The following ZSCAN12 variants were observed in gnomAD, a reference collection of about 807,000 sequenced individuals.
The protein encoded by ZSCAN12 is zinc finger and SCAN domain containing 12, also known as zinc finger and SCAN domain-containing protein 12.
In ZSCAN12, 18 loss-of-function variants were observed where a neutral mutation model predicts 23.4. The observed-to-expected ratio is 0.77, with a 90% CI of 0.53 to 1.14. The LOEUF (loss-of-function observed/expected upper bound fraction) is 1.14, where lower values mean the gene tolerates loss of function less well. ZSCAN12 is among the 50% of genes most tolerant of loss of function. ZSCAN12 has a pLI of 0.00. For synonymous variants in ZSCAN12, 186 were observed against 253.4 expected (o/e 0.73, Z 2.53); for missense variants, 650 against 735.0 (o/e 0.88, Z 1.34).
chr6:28,386,615 A>C lies in ZSCAN12; in HGVS notation c.*3839T>G, dbSNP rs953457356. Among the ~76,000 whole-genome samples, 7 of 152,104 alleles carry C rather than the reference A, an allele frequency of 4.6e-5. No individual in the cohort carries two copies. The highest frequency in any genetic ancestry group is 8.8e-5 in the Non-Finnish European group (6 of 68,020). On this transcript the variant is annotated 3_prime_UTR_variant, in exon 4 of 4. Transcript: ENST00000684592. ...CCATATCTAACATGTCACATCCTCCATTTGCCCCTCAGGGCCTTCAATTTG... is the reference window on the plus strand; with the variant it reads ...CCATATCTAACATGTCACATCCTCCCTTTGCCCCTCAGGGCCTTCAATTTG...
downstream of ZSCAN12, chr6:28,380,441 T>C (rs1422784396): frequency 1.3e-5 from 2 of 152,346 alleles, no homozygotes; most frequent in African/African-American, 4.8e-5. Flanking sequence ...AAGGTCTTCC[T>C]ACATTCTTTA....
At chr6:28,398,886 T>G (rs895785072) in intron 1 of ZSCAN12, among the ~76,000 whole-genome samples, 7 of 142,622 alleles carry the variant, frequency 4.9e-5, no homozygotes, top group African/African-American at 1.6e-4. Flanking sequence ...TGAGCCGAGA[T>G]CGCGCCACTG....
chr6:28,393,462 A>C, intron 2 of ZSCAN12, among the ~76,000 whole-genome samples: 1 of 144,184 alleles, frequency 6.9e-6, no homozygotes, highest in Non-Finnish European at 1.5e-5. Flanking sequence ...TAAATAATGT[A>C]GAGAAATGAT....
chr6:28,396,162 C>T (rs1761097282), intron 2 of ZSCAN12, among the ~76,000 whole-genome samples: 1 of 151,688 alleles, frequency 6.6e-6, no homozygotes, highest in Non-Finnish European at 1.5e-5. Context: ...TAGGACTACA[C>T]ACACCTGCCT....
chr6:28,385,561 T>A lies in ZSCAN12; in HGVS notation c.*4893A>T, dbSNP rs1760500321. Among the ~76,000 whole-genome samples, 1 of 152,226 alleles carries A rather than the reference T, an allele frequency of 6.6e-6. No homozygotes were observed. Among genetic ancestry groups the A allele is most frequent in the African/African-American group, 2.4e-5 (1 of 41,464 alleles). On this transcript the variant is annotated 3_prime_UTR_variant, in exon 4 of 4. Coordinates refer to ENST00000684592, the MANE Select transcript of ZSCAN12 (RefSeq NM_001163391.2). ...AACTGAAATAAAGAGAGGAAGTGTA[T>A]CACAGAGGTTAAAAGTGTGAACTCT...
At position 28,389,390 on chromosome 6, in the gene ZSCAN12, T is replaced by G. The variant is rs1315007436; in HGVS notation, c.*1064A>C. On this transcript the variant is annotated 3_prime_UTR_variant, in exon 4 of 4. Transcript: ENST00000684592. ...AAGAGCTGATGGCACATGTTCCCTG[T>G]AAGGATCTCCTTGTGCTAAAAGTCT... is the stretch of plus-strand genomic sequence containing the variant. Among the ~76,000 whole-genome samples the G allele has an allele frequency of 2.6e-5, 4 of 152,226 alleles. No homozygotes were observed. Among genetic ancestry groups the G allele is most frequent in the Non-Finnish European group, 4.4e-5 (3 of 68,040 alleles).
At chr6:28,393,184 GGCCAATATAAATGTC>G (rs1415326070) in intron 2 of ZSCAN12, 138 bp from the exon 3 acceptor site, 3 of 884,806 alleles carry the variant, frequency 3.4e-6, no homozygotes, top group Non-Finnish European at 5.0e-6. Flanking sequence ...CATTCTTCAA[GGCCAATATAAATGTC>G]GCCTCCTCTG....
rs1437191898 is a variant in ZSCAN12 at position 28,386,255 on chromosome 6, G to T, written c.*4199C>A. Among the ~76,000 whole-genome samples, 1 of 152,086 alleles carries T rather than the reference G, an allele frequency of 6.6e-6. No individual in the cohort carries two copies. Among genetic ancestry groups the T allele is most frequent in the Non-Finnish European group, 1.5e-5 (1 of 68,026 alleles). On this transcript the variant is annotated 3_prime_UTR_variant, in exon 4 of 4. Coordinates refer to ENST00000684592, the MANE Select transcript of ZSCAN12 (RefSeq NM_001163391.2). ...TGTTTACCTTGAATCAATTAGAAAA[G>T]ACAAGCCAGTCAATCTTATTCTTAT...
Position 28,389,322 on chromosome 6 carries a change from T to C in ZSCAN12, c.*1132A>G, listed in dbSNP as rs1431492849. Among the ~76,000 whole-genome samples the C allele has an allele frequency of 6.6e-6, 1 of 152,142 alleles. No individual in the cohort carries two copies. Among genetic ancestry groups the C allele is most frequent in the Non-Finnish European group, 1.5e-5 (1 of 68,020 alleles). ...GGATGGAAAGACCACCTAAAAATCC[T>C]AGTTTTTTGGCATGATGGGGGTCTA... On this transcript the variant is annotated 3_prime_UTR_variant, in exon 4 of 4. Transcript: ENST00000684592.
At chr6:28,397,192 G>A (rs1761153778) in intron 2 of ZSCAN12, among the ~76,000 whole-genome samples, 1 of 151,928 alleles carries the variant, frequency 6.6e-6, no homozygotes, top group Admixed American at 6.6e-5. Flanking sequence ...CTAGATACTA[G>A]CAGCACCTCC....
chr6:28,397,318 G>T (rs976448131), intron 2 of ZSCAN12, among the ~76,000 whole-genome samples: 1 of 146,808 alleles, frequency 6.8e-6, no homozygotes, highest in African/African-American at 2.6e-5. Flanking sequence ...AAACAAAAAC[G>T]TTCTACATAA....
In ZSCAN12 at chr6:28,386,930, C is replaced by T. The variant is rs916231040; in HGVS notation, c.*3524G>A. Reference sequence around the variant, plus strand: ...GCAACCTCCACCTCCCGGATTCAAGCGATTCTCCTGCCTCAGCCTCTCGAG... The same window carrying T: ...GCAACCTCCACCTCCCGGATTCAAGTGATTCTCCTGCCTCAGCCTCTCGAG... On this transcript the variant is annotated 3_prime_UTR_variant, in exon 4 of 4. Coordinates refer to ENST00000684592, the MANE Select transcript of ZSCAN12 (RefSeq NM_001163391.2). Among the ~76,000 whole-genome samples the T allele has an allele frequency of 1.3e-5, 2 of 152,178 alleles. No homozygotes were observed. The highest frequency in any genetic ancestry group is 2.4e-5 in the African/African-American group (1 of 41,450).
At chr6:28,381,661 C>T (rs891961205), downstream of ZSCAN12, 1 of 151,938 alleles carries the variant, frequency 6.6e-6, no homozygotes, top group Non-Finnish European at 1.5e-5. Flanking sequence ...TGAGGCTCTC[C>T]TCTTCTTTCT....
Position 28,390,756 on chromosome 6 carries a change from G to A in ZSCAN12, c.1534C>T (p.Leu512Phe), listed in dbSNP as rs754098837. The stretch of plus-strand genomic sequence containing the variant: ...GTGTGGATTCTCTGATGTTCCGTGA[G>A]GACTGATCTTTGAGTAAACGCCTTC... ...CGKAFTQRSV[L>F]TEHQRIHTGE... The change falls in exon 4 of 4, where the codon CTC (leucine) becomes TTC (phenylalanine). Residue 512 changes from leucine (L) to phenylalanine (F), a missense_variant. By Grantham distance (22) the Leu-to-Phe change is conservative. Coordinates refer to ENST00000684592, the MANE Select transcript of ZSCAN12 (RefSeq NM_001163391.2). The A allele has an allele frequency of 1.2e-6, 2 of 1,609,586 alleles. No homozygotes were observed. The highest frequency in any genetic ancestry group is 8.5e-7 in the Non-Finnish European group (1 of 1,177,738).
At position 28,391,042 on chromosome 6, in the gene ZSCAN12, G is replaced by A. The variant is rs1423036636; in HGVS notation, c.1248C>T (p.Cys416=). The part of the protein sequence containing the change: ...GVHTGAKPYE[C]NECGKAFVYN... ...AAACAAAGGCTTTTCCACACTCGTTGCACTCATACGGCTTGGCGCCGGTAT... is the reference window on the plus strand; with the variant it reads ...AAACAAAGGCTTTTCCACACTCGTTACACTCATACGGCTTGGCGCCGGTAT... Residue 416 remains cysteine, a synonymous_variant, in exon 4 of 4, where the codon TGC becomes TGT. Coordinates refer to ENST00000684592, the MANE Select transcript of ZSCAN12 (RefSeq NM_001163391.2). The surrounding 1 kb of genome is among the most constrained non-coding windows in gnomAD (Gnocchi z 4.1). 6.4e-7 allele frequency: 1 copy of A among 1,556,686 alleles called. No individual in the cohort carries two copies. The highest frequency in any genetic ancestry group is 1.4e-5 in the African/African-American group (1 of 73,438).
At position 28,398,932 on chromosome 6, in the gene ZSCAN12, C is replaced by CAA. The variant is rs369893339; in HGVS notation, c.-68-461_-68-460dup. The stretch of plus-strand genomic sequence containing the variant: ...TGGGCGACAGAGCGAGACTCCGTCT[C>CAA]AAAAAAAAAAAAAAAGATTAGACTA... On this transcript the variant is annotated intron_variant, in intron 1 of 3. Coordinates refer to ENST00000684592, the MANE Select transcript of ZSCAN12 (RefSeq NM_001163391.2). Among the ~76,000 whole-genome samples the CAA allele has an allele frequency of 1.2e-3, 110 of 90,910 alleles. 2 individuals carry two copies. The highest frequency in any genetic ancestry group is 1.9e-3 in the Non-Finnish European group (89 of 45,890). 59.6% of individuals were successfully genotyped at this position (90,910 alleles called of 152,430 possible). A position where few individuals can be genotyped will look rare whatever the true frequency, so the allele number is the denominator to read the frequency against.
In ZSCAN12 at chr6:28,393,002, C is replaced by T. The variant is rs2113986336; in HGVS notation, c.447G>A (p.Thr149=). The part of the protein sequence containing the change: ...TGEQEMFLQE[T]VRLRKEGEPS... Reference sequence around the variant, plus strand: ...GTTCTCCTTCTTTTCGTAGACGTACCGTCTCCTGCAAGAACATTTCCTGTT... The same window carrying T: ...GTTCTCCTTCTTTTCGTAGACGTACTGTCTCCTGCAAGAACATTTCCTGTT... Residue 149 remains threonine (T), a synonymous_variant, in exon 3 of 4, where the codon ACG becomes ACA. Transcript: ENST00000684592. 1.3e-6 allele frequency: 2 copies of T among 1,551,838 alleles called. No homozygotes were observed. Among genetic ancestry groups the T allele is most frequent in the Non-Finnish European group, 1.7e-6 (2 of 1,147,008 alleles).
chr6:28,378,906 A>G (rs192692825), downstream of ZSCAN12: 6 of 152,344 alleles, frequency 3.9e-5, no homozygotes, highest in East Asian at 1.2e-3. Flanking sequence ...AGAGTTAAAA[A>G]AAACTGTGTG....
At chr6:28,380,353 G>A (rs1760169945), downstream of ZSCAN12, 1 of 152,204 alleles carries the variant, frequency 6.6e-6, no homozygotes, top group Non-Finnish European at 1.5e-5. Flanking sequence ...ATTCTCCAAT[G>A]CTGAAGCAAG....
Sources: gnomAD v4.1 joint callset for allele counts (sites outside exome capture counted in the v4.1 genomes callset) on GRCh38, gnomAD v4.1.1 for gene constraint, Gnocchi (gnomAD v3.1) non-coding constraint, MANE v1.5 for transcripts, NCBI Gene and HGNC (gene_info 2026-07-23, HGNC 2026-07-21) for gene names.